Variants in LDLRAD4 observed in about 807,000 individuals in gnomAD.
LDLRAD4 encodes low-density lipoprotein receptor class A domain-containing protein 4.
A neutral mutation model predicts 17.0 loss-of-function variants in LDLRAD4; 5 were observed. That is an observed-to-expected ratio of 0.29 (90% CI 0.15 to 0.62). The LOEUF is 0.62. Ranked by LOEUF, LDLRAD4 falls within the 20% of genes least tolerant of loss-of-function variation. The pLI is 0.84. For missense variants in LDLRAD4, 340 were observed against 424.7 expected, an observed-to-expected ratio of 0.80 and a Z score of 1.75; for synonymous variants, 168 against 171.8, an observed-to-expected ratio of 0.98 and a Z score of 0.17.
chr18:13,450,618 G>A (rs1407231364), intron 3 of LDLRAD4, among the ~76,000 whole-genome samples: 4 of 152,244 alleles, frequency 2.6e-5, no homozygotes, highest in Non-Finnish European at 5.9e-5. Context: ...ATGGGAGGGT[G>A]CAGTGTGTGT....
intron 3 of LDLRAD4, among the ~76,000 whole-genome samples, chr18:13,496,340 CAG>C (rs746490995): frequency 1.9e-4 from 29 of 152,286 alleles, no homozygotes; most frequent in Admixed American, 8.5e-4. Context: ...GGCCTGAAGT[CAG>C]GGGGTGGATT....
At chr18:13,322,110 CAG>C (rs1401007337) in intron 1 of LDLRAD4, among the ~76,000 whole-genome samples, 3 of 151,434 alleles carry the variant, frequency 2.0e-5, no homozygotes, top group Admixed American at 6.6e-5. Context: ...GTGATCTCAT[CAG>C]AGTCTATGTT....
intron 3 of LDLRAD4, among the ~76,000 whole-genome samples, chr18:13,578,291 TA>T (rs2094803466): frequency 6.6e-6 from 1 of 152,220 alleles, no homozygotes; most frequent in Admixed American, 6.5e-5. Flanking sequence ...ATTACCACCT[TA>T]CTACTTTATT....
At chr18:13,612,553 C>CG (rs1792997479) in intron 3 of LDLRAD4, 2 of 1,450,576 alleles carry the variant, frequency 1.4e-6, no homozygotes, top group African/African-American at 2.9e-5. Context: ...ACACCCCCCC[C>CG]CCCTCCACGC....
intron 2 of LDLRAD4, among the ~76,000 whole-genome samples, chr18:13,409,993 G>C (rs1288823617): frequency 6.6e-6 from 1 of 152,104 alleles, no homozygotes; most frequent in Non-Finnish European, 1.5e-5. Context: ...GGTACCCCAG[G>C]GCACGACGCA....
chr18:13,343,872 A>T (rs150150649), intron 1 of LDLRAD4, among the ~76,000 whole-genome samples: 3 of 152,156 alleles, frequency 2.0e-5, no homozygotes, highest in Non-Finnish European at 2.9e-5. Context: ...TGGCTGCATA[A>T]ATGTCTTCTT....
chr18:13,349,725 C>T lies in LDLRAD4; in HGVS notation c.-382-37616C>T, dbSNP rs180901019. ...CGGTTTGCTGCACCTATCAACCTGT[C>T]GTCTAGGTTTTAAGCCCCGCATGCA... On this transcript the variant is annotated intron_variant, in intron 1 of 5. Coordinates refer to ENST00000359446, the Ensembl canonical transcript of LDLRAD4. 7.3e-3 allele frequency among the ~76,000 whole-genome samples: 1,105 copies of T among 152,242 alleles called. 18 individuals are homozygous for T. Among genetic ancestry groups the T allele is most frequent in the African/African-American group, 0.026 (1,062 of 41,518 alleles).
chr18:13,428,221 G>C (rs1292406426), intron 2 of LDLRAD4, among the ~76,000 whole-genome samples: 1 of 152,216 alleles, frequency 6.6e-6, no homozygotes, highest in Non-Finnish European at 1.5e-5. Context: ...GAGGAGCCGG[G>C]AGTCTGGGAG....
At chr18:13,441,629 A>G (rs185483194) in intron 3 of LDLRAD4, among the ~76,000 whole-genome samples, 33 of 152,364 alleles carry the variant, frequency 2.2e-4, no homozygotes, top group Middle Eastern at 6.8e-3. Flanking sequence ...AGTATGCTCC[A>G]TGGCTCAGAT....
intron 1 of LDLRAD4, among the ~76,000 whole-genome samples, chr18:13,220,604 C>A (rs1485441336): frequency 6.6e-6 from 1 of 152,308 alleles, no homozygotes; most frequent in African/African-American, 2.4e-5. Flanking sequence ...TATTTATTTT[C>A]CCCCAACTGC....
intron 1 of LDLRAD4, among the ~76,000 whole-genome samples, chr18:13,227,840 A>G (rs2041887201): frequency 6.6e-6 from 1 of 152,176 alleles, no homozygotes. Flanking sequence ...TTCCCTTCCC[A>G]TGAGGTCCCT....
intron 2 of LDLRAD4, among the ~76,000 whole-genome samples, chr18:13,426,911 T>A (rs1052628543): frequency 6.6e-6 from 1 of 152,142 alleles, no homozygotes; most frequent in Non-Finnish European, 1.5e-5. Flanking sequence ...GAAGGCCAGG[T>A]GCAGTGGCTC....
chr18:13,518,052 C>A (rs2093896176), intron 3 of LDLRAD4, among the ~76,000 whole-genome samples: 3 of 152,108 alleles, frequency 2.0e-5, no homozygotes, highest in Non-Finnish European at 4.4e-5. Flanking sequence ...CTTTTCTTTT[C>A]TTTTTGTCCT....
At chr18:13,635,931 C>CTGTGTGTG (rs60695092) in intron 4 of LDLRAD4, among the ~76,000 whole-genome samples, 2,092 of 147,410 alleles carry the variant, frequency 0.014, 31 homozygotes, top group African/African-American at 0.042. Flanking sequence ...GACAGCTATG[C>CTGTGTGTG]TGTGTGTGTG....
At chr18:13,633,554 G>A (rs542030233) in intron 4 of LDLRAD4, among the ~76,000 whole-genome samples, 15 of 152,356 alleles carry the variant, frequency 9.8e-5, no homozygotes, top group East Asian at 1.9e-4. Context: ...CCCAAAGTCC[G>A]GAGGGGGCTG....
intron 4 of LDLRAD4, chr18:13,641,659 A>T: frequency 1.5e-6 from 1 of 656,980 alleles, no homozygotes. Flanking sequence ...GGCCCAGAGG[A>T]GCAGCAGGCG....
At chr18:13,510,184 C>A (rs2093755316) in intron 3 of LDLRAD4, among the ~76,000 whole-genome samples, 3 of 152,226 alleles carry the variant, frequency 2.0e-5, no homozygotes, top group South Asian at 2.1e-4. Context: ...TTAACTAAAT[C>A]ATGGGAACTG....
intron 3 of LDLRAD4, among the ~76,000 whole-genome samples, chr18:13,604,096 T>C (rs2095195446): frequency 6.6e-6 from 1 of 152,244 alleles, no homozygotes; most frequent in Non-Finnish European, 1.5e-5. Flanking sequence ...CAAGGTTGAC[T>C]TTGGACTAGC....
chr18:13,294,729 A>G (rs2046171737), intron 1 of LDLRAD4, among the ~76,000 whole-genome samples: 1 of 152,060 alleles, frequency 6.6e-6, no homozygotes, highest in Non-Finnish European at 1.5e-5. Context: ...AATGGTCACT[A>G]GGAAAATTCC....
Sources: allele counts gnomAD v4.1 joint callset (sites outside exome capture counted in the v4.1 genomes callset), GRCh38; gene constraint gnomAD v4.1.1; transcripts MANE v1.5; gene names NCBI Gene and HGNC (gene_info 2026-07-23, HGNC 2026-07-21).